The following ZNF608 variants were observed in gnomAD, a reference collection of about 807,000 sequenced individuals.
ZNF608 encodes renal carcinoma antigen NY-REN-36.
Under a neutral mutation model 109.0 loss-of-function variants are expected in ZNF608, and 12 were observed. The ratio of observed to expected loss-of-function variants is 0.11; its 90% CI spans 0.07 to 0.18. The LOEUF (loss-of-function observed/expected upper bound fraction) is 0.18. Among genes scored for constraint, ZNF608 ranks in the 10% least tolerant of loss-of-function variants. The pLI, the probability that ZNF608 is intolerant of heterozygous loss-of-function variation, is 1.00. For missense variants in ZNF608, 1,707 were observed against 1,879.3 expected, an observed-to-expected ratio of 0.91 and a Z score of 1.70; for synonymous variants, 732 against 717.4, an observed-to-expected ratio of 1.02 and a Z score of -0.33.
At chr5:124,737,389 C>CG (rs1749200765) in intron 2 of ZNF608, among the ~76,000 whole-genome samples, 1 of 152,142 alleles carries the variant, frequency 6.6e-6, no homozygotes, top group Non-Finnish European at 1.5e-5. Flanking sequence ...CAAACTAGGT[C>CG]GGGGGGTGGA....
intron 2 of ZNF608, among the ~76,000 whole-genome samples, chr5:124,704,458 C>T (rs1459741481): frequency 1.3e-5 from 2 of 152,034 alleles, no homozygotes; most frequent in Non-Finnish European, 2.9e-5. Flanking sequence ...AAAGTCTCCC[C>T]GTGTGGTCTA....
At chr5:124,706,559 G>A (rs1753266190) in intron 2 of ZNF608, among the ~76,000 whole-genome samples, 3 of 152,048 alleles carry the variant, frequency 2.0e-5, no homozygotes, top group Admixed American at 2.0e-4. Context: ...AAATCAGTGG[G>A]GGATTATTAG....
rs753370549 is a variant in ZNF608, at chr5:124,744,664, C to T, written c.326G>A (p.Ser109Asn). The change falls in exon 2 of 10, where the codon AGT (serine) becomes AAT (asparagine). Residue 109 changes from serine (S) to asparagine (N), a missense_variant. This residue lies in a region of ZNF608 where 407 missense variants were observed against 398.7 expected (regional missense o/e 1.02). Transcript: ENST00000513986. This position sits in a 1 kb window ranked among gnomAD's most constrained non-coding sequence, Gnocchi z 4.5. The stretch of plus-strand genomic sequence containing the variant: ...TTTATTAGCATCCTTAGAAGTTTTA[C>T]TCCTTTTCACTTTTGATTTGCTGGT... ...KETSKSKVKR[S>N]KTSKDANKSL... 1.2e-6 allele frequency: 2 copies of T among 1,614,188 alleles called. No homozygotes were observed. Among genetic ancestry groups the T allele is most frequent in the South Asian group, 2.2e-5 (2 of 91,084 alleles).
intron 2 of ZNF608, among the ~76,000 whole-genome samples, chr5:124,719,709 G>A (rs186194151): frequency 1.3e-5 from 2 of 152,296 alleles, no homozygotes; most frequent in Non-Finnish European, 2.9e-5. Flanking sequence ...AAAGATTTGT[G>A]GGGCCTCAGA....
chr5:124,661,644 G>A (rs888024276), intron 3 of ZNF608, among the ~76,000 whole-genome samples: 6 of 152,312 alleles, frequency 3.9e-5, no homozygotes, highest in East Asian at 1.9e-4. Flanking sequence ...GAGCAAAGTC[G>A]TCATTTTGCT....
At chr5:124,726,765 G>A (rs1487078875) in intron 2 of ZNF608, among the ~76,000 whole-genome samples, 1 of 151,640 alleles carries the variant, frequency 6.6e-6, no homozygotes, top group Admixed American at 6.6e-5. Context: ...TGGCCTACAA[G>A]GCCCTGCATG....
chr5:124,647,761 G>A lies in ZNF608; in HGVS notation c.2623C>T (p.Arg875Cys). ...ANGLSESQES[R>C]MASIKAEADK... Reference sequence around the variant, plus strand: ...GCCTCAGCTTTGATACTGGCCATGCGGCTCTCCTGAGACTCCGACAGTCCA... The same window carrying A: ...GCCTCAGCTTTGATACTGGCCATGCAGCTCTCCTGAGACTCCGACAGTCCA... The change falls in exon 5 of 10, where the codon CGC (arginine) becomes TGC (cysteine). Residue 875 changes from arginine to cysteine, a missense_variant. Around this residue, in one of 7 missense-constraint regions of ZNF608, gnomAD observed 1,073 missense variants for 1,133.5 expected, o/e 0.95. Coordinates refer to ENST00000513986, the MANE Select transcript of ZNF608 (RefSeq NM_020747.3). The A allele has an allele frequency of 6.2e-7, 1 of 1,614,038 alleles. No individual in the cohort carries two copies. The highest frequency in any genetic ancestry group is 8.5e-7 in the Non-Finnish European group (1 of 1,179,922).
chr5:124,673,977 GT>G (rs1407154010), intron 3 of ZNF608, among the ~76,000 whole-genome samples: 1 of 152,134 alleles, frequency 6.6e-6, no homozygotes, highest in Non-Finnish European at 1.5e-5. Context: ...TGCAAAGCAA[GT>G]TTCTCTGCTC....
chr5:124,746,376 C>A lies in ZNF608; in HGVS notation c.-365G>T. On this transcript the variant is annotated 5_prime_UTR_variant, in exon 1 of 10. It adds an upstream start codon to the 5' untranslated region. Transcript: ENST00000513986. ...AACATTATTCCACCTCCCCACCCCCCTTTTGGCAAACGAATCAGTCCTTTT... is the reference window on the plus strand; with the variant it reads ...AACATTATTCCACCTCCCCACCCCCATTTTGGCAAACGAATCAGTCCTTTT... The A allele has an allele frequency of 4.1e-6, 4 of 985,380 alleles. No individual in the cohort carries two copies. Among genetic ancestry groups the A allele is most frequent in the Non-Finnish European group, 4.8e-6 (4 of 829,930 alleles). The allele number at this position is 985,380 out of a possible 1,614,324, so 61.0% of individuals were successfully genotyped here.
intron 2 of ZNF608, among the ~76,000 whole-genome samples, chr5:124,742,953 A>G (rs976372399): frequency 6.6e-6 from 1 of 152,234 alleles, no homozygotes; most frequent in African/African-American, 2.4e-5. Context: ...TTGCTTCTGC[A>G]AGGCACAACC....
intron 2 of ZNF608, among the ~76,000 whole-genome samples, chr5:124,704,584 A>G (rs1753183972): frequency 6.6e-6 from 1 of 152,154 alleles, no homozygotes; most frequent in African/African-American, 2.4e-5. Flanking sequence ...AAAACATTCC[A>G]GTTTTTTTTA....
At chr5:124,654,400 A>T (rs1205284461) in intron 3 of ZNF608, among the ~76,000 whole-genome samples, 2 of 152,160 alleles carry the variant, frequency 1.3e-5, no homozygotes. Flanking sequence ...CCCTAAAAGA[A>T]ACCTTGAAGA....
intron 8 of ZNF608, among the ~76,000 whole-genome samples, chr5:124,640,731 C>T (rs1404786434): frequency 1.3e-5 from 2 of 152,168 alleles, no homozygotes; most frequent in South Asian, 2.1e-4. Context: ...AAACATGTTT[C>T]TCTTTCTCAA....
upstream of ZNF608, chr5:124,746,787 CTT>C (rs1749655444): frequency 1.3e-5 from 13 of 981,308 alleles, no homozygotes; most frequent in Non-Finnish European, 1.4e-5. Flanking sequence ...CTTGAACTAA[CTT>C]AAGAGAAAAG....
intron 3 of ZNF608, among the ~76,000 whole-genome samples, chr5:124,697,498 G>A (rs1752897995): frequency 6.6e-6 from 1 of 151,840 alleles, no homozygotes; most frequent in Non-Finnish European, 1.5e-5. Context: ...ATACATCATT[G>A]GTCCTATGCA....
upstream of ZNF608, among the ~76,000 whole-genome samples, chr5:124,748,045 G>A (rs1448901451): frequency 4.6e-5 from 7 of 152,114 alleles, no homozygotes; most frequent in African/African-American, 1.4e-4. Context: ...TAAGGAGATG[G>A]CGAATGGTAA....
At chr5:124,665,739 A>T (rs1184941272) in intron 3 of ZNF608, among the ~76,000 whole-genome samples, 11 of 152,166 alleles carry the variant, frequency 7.2e-5, no homozygotes, top group Admixed American at 6.5e-4. Context: ...TTTGTCTCTC[A>T]CCTGATGTAG....
At chr5:124,703,453 C>T (rs1235456732) in intron 2 of ZNF608, among the ~76,000 whole-genome samples, 2 of 152,070 alleles carry the variant, frequency 1.3e-5, no homozygotes, top group Non-Finnish European at 2.9e-5. Context: ...CTCTCTGAGG[C>T]CCATTTTCCT....
chr5:124,733,761 C>G (rs1358770236), intron 2 of ZNF608, among the ~76,000 whole-genome samples: 1 of 152,096 alleles, frequency 6.6e-6, no homozygotes, highest in Non-Finnish European at 1.5e-5. Context: ...TACTACTAGT[C>G]ATTGAGTAAG....
Sources: gnomAD v4.1 joint callset for allele counts (sites outside exome capture counted in the v4.1 genomes callset) on GRCh38, gnomAD v4.1.1 for gene constraint, gnomAD v4.1.1 regional missense constraint, Gnocchi (gnomAD v3.1) non-coding constraint, MANE v1.5 for transcripts, NCBI Gene and HGNC (gene_info 2026-07-23, HGNC 2026-07-21) for gene names.